The following CDIN1 variants were observed in gnomAD, a reference collection of about 807,000 sequenced individuals.
The protein encoded by CDIN1 is CDAN1 interacting nuclease 1.
Under a neutral mutation model 45.3 loss-of-function variants are expected in CDIN1, and 33 were observed. The observed-to-expected ratio is 0.73, with a 90% CI of 0.55 to 0.97. The LOEUF is 0.97. CDIN1 is among the 50% of genes least tolerant of loss of function. The pLI, the probability that CDIN1 is intolerant of heterozygous loss-of-function variation, is 0.00. For synonymous variants in CDIN1, 118 were observed against 124.4 expected (o/e 0.95, Z 0.34); for missense variants, 303 against 339.4 (o/e 0.89, Z 0.84).
intron 10 of CDIN1, among the ~76,000 whole-genome samples, chr15:36,713,412 G>T (rs1249224859): frequency 5.9e-5 from 9 of 152,222 alleles, no homozygotes; most frequent in African/African-American, 1.9e-4. Context: ...TTCTCTCAAA[G>T]AAAATCTAAG....
intron 10 of CDIN1, among the ~76,000 whole-genome samples, chr15:36,782,512 A>G (rs193194607): frequency 3.4e-4 from 52 of 152,284 alleles, no homozygotes; most frequent in Non-Finnish European, 6.6e-4. Flanking sequence ...CAGATTTTGA[A>G]TTTTTATGAC....
intron 5 of CDIN1, among the ~76,000 whole-genome samples, chr15:36,677,858 A>G (rs1219915933): frequency 6.6e-6 from 1 of 152,190 alleles, no homozygotes; most frequent in Non-Finnish European, 1.5e-5. Context: ...CAGTATATTC[A>G]TAGCATTAAC....
At chr15:36,602,061 A>G (rs1314175634) in intron 1 of CDIN1, among the ~76,000 whole-genome samples, 1 of 152,246 alleles carries the variant, frequency 6.6e-6, no homozygotes, top group Non-Finnish European at 1.5e-5. Context: ...AAAAATTATT[A>G]TGTAACAGTA....
At chr15:36,782,578 G>A (rs8033760) in intron 10 of CDIN1, among the ~76,000 whole-genome samples, 26,615 of 152,102 alleles carry the variant, frequency 0.17, 4,301 homozygotes, top group African/African-American at 0.43. Flanking sequence ...AAGAGCTTAC[G>A]AGCAAGCGCA....
chr15:36,644,420 G>A lies in CDIN1; in HGVS notation c.147+97G>A, dbSNP rs1175800335. ...TAATTGAACTGCCAGCTCTCTGATT[G>A]GGTTGGAGGATGTTCTCCTTTCCAC... On this transcript the variant is annotated intron_variant, in intron 2 of 10. Transcript: ENST00000566621. 1.3e-5 allele frequency: 17 copies of A among 1,330,852 alleles called. No homozygotes were observed. The East Asian group carries it at 3.6e-4, about 28-fold the overall frequency. The allele number at this position is 1,330,852 out of a possible 1,614,324, so 82.4% of individuals were successfully genotyped here.
chr15:36,680,591 T>C (rs2041816704), intron 5 of CDIN1, among the ~76,000 whole-genome samples: 1 of 152,108 alleles, frequency 6.6e-6, no homozygotes, highest in Non-Finnish European at 1.5e-5. Flanking sequence ...CAGAAATTGC[T>C]AACTTCAGAT....
intron 1 of CDIN1, 64 bp downstream of exon 1, chr15:36,580,025 G>C (rs1385260138): frequency 1.4e-5 from 21 of 1,454,014 alleles, no homozygotes; most frequent in Non-Finnish European, 2.0e-5. Flanking sequence ...GGGCCGCCCA[G>C]GCAGCGCTTA....
At chr15:36,691,848 T>C in intron 6 of CDIN1, 84 bp downstream of exon 6, 1 of 1,096,738 alleles carries the variant, frequency 9.1e-7, no homozygotes, top group Non-Finnish European at 1.4e-6. Context: ...ATTTAATTAC[T>C]GTCATCATAA....
chr15:36,582,835 ATTAT>A (rs1362710196), intron 1 of CDIN1, among the ~76,000 whole-genome samples: 1 of 152,248 alleles, frequency 6.6e-6, no homozygotes, highest in Non-Finnish European at 1.5e-5. Context: ...GAGAAGAGTC[ATTAT>A]TTAATCTTTA....
intron 10 of CDIN1, among the ~76,000 whole-genome samples, chr15:36,796,590 C>T (rs1285983514): frequency 6.6e-6 from 1 of 152,200 alleles, no homozygotes; most frequent in African/African-American, 2.4e-5. Context: ...GGCATCCAGT[C>T]CCCTACCAGG....
At chr15:36,663,421 T>G (rs539990027) in intron 5 of CDIN1, among the ~76,000 whole-genome samples, 1 of 152,282 alleles carries the variant, frequency 6.6e-6, no homozygotes, top group Admixed American at 6.5e-5. Context: ...AAATCTCATC[T>G]TGTAGTTCCC....
At chr15:36,722,483 A>G (rs150193017) in intron 10 of CDIN1, among the ~76,000 whole-genome samples, 311 of 152,264 alleles carry the variant, frequency 2.0e-3, no homozygotes, top group African/African-American at 6.2e-3. Context: ...GGTTGTTAGA[A>G]AGCAGCTTTC....
intron 10 of CDIN1, among the ~76,000 whole-genome samples, chr15:36,727,503 A>G (rs375483220): frequency 6.6e-6 from 1 of 152,148 alleles, no homozygotes; most frequent in African/African-American, 2.4e-5. Flanking sequence ...TGTCTGGCCA[A>G]ATGCATGAAT....
chr15:36,649,430 G>T (rs1039121731), intron 3 of CDIN1, among the ~76,000 whole-genome samples: 8 of 152,094 alleles, frequency 5.3e-5, no homozygotes, highest in Admixed American at 2.6e-4. Flanking sequence ...ACTTTATACA[G>T]AAGCTATATG....
chr15:36,780,117 T>C (rs1264847890), intron 10 of CDIN1, among the ~76,000 whole-genome samples: 1 of 152,214 alleles, frequency 6.6e-6, no homozygotes, highest in East Asian at 1.9e-4. Context: ...TATAAAGATA[T>C]TGGGAACACT....
chr15:36,724,046 GTA>G (rs1821609548), intron 10 of CDIN1, among the ~76,000 whole-genome samples: 1 of 152,168 alleles, frequency 6.6e-6, no homozygotes, highest in South Asian at 2.1e-4. Context: ...GTAAATGCTA[GTA>G]TTTTATCTCT....
chr15:36,780,580 G>C (rs1045389515), intron 10 of CDIN1, among the ~76,000 whole-genome samples: 3 of 152,136 alleles, frequency 2.0e-5, no homozygotes, highest in African/African-American at 7.2e-5. Flanking sequence ...ACTATCTGCA[G>C]TGGAAAAACC....
chr15:36,644,380 C>T (rs1278470631), intron 2 of CDIN1, 57 bp downstream of exon 2: 5 of 1,528,996 alleles, frequency 3.3e-6, no homozygotes, highest in Admixed American at 1.8e-5. Context: ...TGATGAATGT[C>T]CCTTTATTTC....
At chr15:36,655,131 T>G (rs376193467) in intron 4 of CDIN1, among the ~76,000 whole-genome samples, 1 of 152,176 alleles carries the variant, frequency 6.6e-6, no homozygotes, top group African/African-American at 2.4e-5. Flanking sequence ...TGTCTGCTGC[T>G]ATACACTGCT....
Sources: gnomAD v4.1 joint callset for allele counts (sites outside exome capture counted in the v4.1 genomes callset) on GRCh38, gnomAD v4.1.1 for gene constraint, MANE v1.5 for transcripts, NCBI Gene and HGNC (gene_info 2026-07-23, HGNC 2026-07-21) for gene names.